Variants in KIAA2012 observed in about 807,000 individuals in gnomAD.
KIAA2012 encodes uncharacterized protein KIAA2012.
KIAA2012 carries 125 observed loss-of-function variants against 150.6 expected under a neutral mutation model. The observed-to-expected ratio is 0.83, with a 90% CI of 0.72 to 0.96. KIAA2012 has a LOEUF of 0.96. KIAA2012 is among the 40% of genes least tolerant of loss of function. KIAA2012 has a pLI of 0.00. For missense variants in KIAA2012, 1,219 were observed against 1,354.9 expected (o/e 0.90, Z 1.57); for synonymous variants, 462 against 504.7 (o/e 0.92, Z 1.13).
intron 19 of KIAA2012, among the ~76,000 whole-genome samples, chr2:202,192,558 A>G (rs959009287): frequency 6.6e-6 from 1 of 151,386 alleles, no homozygotes; most frequent in Non-Finnish European, 1.5e-5. Flanking sequence ...CCCGGGTTCA[A>G]GCAATTCTCC....
intron 12 of KIAA2012, chr2:202,137,277 A>C (rs1245038074): frequency 6.6e-6 from 1 of 150,892 alleles, no homozygotes; most frequent in Non-Finnish European, 1.5e-5. Flanking sequence ...AGCTAAATCT[A>C]TTCCTCAAAT....
intron 11 of KIAA2012, chr2:202,115,795 C>A (rs564475674): frequency 3.3e-5 from 5 of 150,224 alleles, no homozygotes; most frequent in Non-Finnish European, 7.4e-5. Flanking sequence ...TACGATCCAT[C>A]TGATCTTTCT....
chr2:202,145,042 G>A (rs980248914), intron 13 of KIAA2012, among the ~76,000 whole-genome samples: 16 of 152,084 alleles, frequency 1.1e-4, no homozygotes, highest in African/African-American at 3.6e-4. Flanking sequence ...GCAGACTCGG[G>A]GATGTCACTA....
chr2:202,156,962 T>C (rs1261769646), intron 14 of KIAA2012, among the ~76,000 whole-genome samples: 1 of 152,162 alleles, frequency 6.6e-6, no homozygotes, highest in Non-Finnish European at 1.5e-5. Context: ...ATATTTAGTA[T>C]CCACAATGCT....
intron 15 of KIAA2012, chr2:202,180,061 C>T (rs1692086803): frequency 7.5e-6 from 3 of 400,380 alleles, no homozygotes; most frequent in Non-Finnish European, 1.5e-5. Context: ...CACCTGAGGT[C>T]GGGAGTTCAA....
intron 12 of KIAA2012, chr2:202,135,993 T>TA (rs367977936): frequency 0.021 from 5,810 of 274,910 alleles, 110 homozygotes; most frequent in African/African-American, 0.074. Context: ...GATTCAAATT[T>TA]AAAAAAAAAA....
At chr2:202,180,758 G>A (rs181722071) in intron 15 of KIAA2012, among the ~76,000 whole-genome samples, 163 of 152,334 alleles carry the variant, frequency 1.1e-3, no homozygotes, top group South Asian at 7.0e-3. Context: ...CCAGGAGGTA[G>A]AGGTTGTAGT....
chr2:202,115,241 C>T (rs73989733), intron 11 of KIAA2012: 19,799 of 151,920 alleles, frequency 0.13, 1,380 homozygotes, highest in South Asian at 0.22. Flanking sequence ...ATTACTTTTG[C>T]ACCAACCTAT....
Position 202,184,873 on chromosome 2 carries a change from C to T in KIAA2012, c.2210+30C>T. 2.0e-6 allele frequency: 3 copies of T among 1,473,264 alleles called. No homozygotes were observed. In the South Asian group the frequency reaches 3.9e-5, roughly 19 times the overall value. 91.3% of individuals were successfully genotyped at this position (1,473,264 alleles called of 1,614,324 possible). A position where few individuals can be genotyped will look rare whatever the true frequency, so the allele number is the denominator to read the frequency against. Reference sequence around the variant, plus strand: ...GTGTTCAAAGTTGTAATAACATAGGCTTCTCTGCTTTTATTTTGTTTGTAT... The same window carrying T: ...GTGTTCAAAGTTGTAATAACATAGGTTTCTCTGCTTTTATTTTGTTTGTAT... On this transcript the variant is annotated intron_variant, in intron 16 of 23. Transcript: ENST00000498697.
At chr2:202,125,185 C>T (rs1205093470) in intron 11 of KIAA2012, 29 bp from the exon 12 acceptor site, 2 of 1,527,214 alleles carry the variant, frequency 1.3e-6, no homozygotes, top group East Asian at 2.4e-5. Context: ...TTTTCCCGCT[C>T]TCAGGTAAAA....
intron 14 of KIAA2012, among the ~76,000 whole-genome samples, chr2:202,157,279 C>T (rs1235090960): frequency 6.6e-6 from 1 of 152,204 alleles, no homozygotes; most frequent in Admixed American, 6.5e-5. Context: ...GACACAGTCT[C>T]AGGGTAGTAC....
At chr2:202,153,996 G>A (rs1273355684) in intron 13 of KIAA2012, among the ~76,000 whole-genome samples, 1 of 152,158 alleles carries the variant, frequency 6.6e-6, no homozygotes, top group Non-Finnish European at 1.5e-5. Context: ...TGGGGCATGG[G>A]CTGGAGGGCA....
chr2:202,177,554 C>A (rs1368109313), intron 15 of KIAA2012, among the ~76,000 whole-genome samples: 1 of 152,122 alleles, frequency 6.6e-6, no homozygotes, highest in African/African-American at 2.4e-5. Flanking sequence ...TTCCCACAAG[C>A]CCTTTTTCTT....
chr2:202,150,308 C>T (rs887623157), intron 13 of KIAA2012, among the ~76,000 whole-genome samples: 5 of 152,120 alleles, frequency 3.3e-5, no homozygotes, highest in Non-Finnish European at 5.9e-5. Flanking sequence ...TTTAGCAGAA[C>T]ATAAAAATAT....
chr2:202,134,305 C>G (rs367580552), intron 12 of KIAA2012, among the ~76,000 whole-genome samples: 1 of 152,210 alleles, frequency 6.6e-6, no homozygotes, highest in African/African-American at 2.4e-5. Context: ...AAAGAAGCTC[C>G]TGCCAGCACC....
chr2:202,193,459 G>A lies in KIAA2012; in HGVS notation c.2970G>A (p.Glu990=). 1 of 1,550,308 alleles carries A rather than the reference G, an allele frequency of 6.5e-7. No individual in the cohort carries two copies. The highest frequency in any genetic ancestry group is 8.7e-7 in the Non-Finnish European group (1 of 1,146,882). ...AGCTGGAGAGAGCAAAAAAGATGGA[G>A]GAGGAGCTGGAGCTGGAGCAGCAGA... The part of the protein sequence containing the change: ...QEQLERAKKM[E]EELELEQQRR... The change falls in exon 20 of 24, where the codon GAG becomes GAA. Residue 990 remains glutamate, a synonymous_variant. Transcript: ENST00000498697.
intron 11 of KIAA2012, among the ~76,000 whole-genome samples, chr2:202,120,985 C>T (rs56369311): frequency 0.28 from 43,193 of 152,072 alleles, 6,358 homozygotes; most frequent in African/African-American, 0.36. Context: ...TCACTTGCAG[C>T]TAGGTATGGC....
intron 2 of KIAA2012, among the ~76,000 whole-genome samples, chr2:202,090,090 C>T (rs1374775736): frequency 1.3e-5 from 2 of 152,206 alleles, no homozygotes; most frequent in Non-Finnish European, 2.9e-5. Context: ...AAGCAATCAT[C>T]CTCTGAGAGT....
chr2:202,145,110 T>C (rs1354947687), intron 13 of KIAA2012, among the ~76,000 whole-genome samples: 1 of 152,170 alleles, frequency 6.6e-6, no homozygotes, highest in African/African-American at 2.4e-5. Context: ...TCCACACCAA[T>C]GCCTAAGAGA....
Sources: allele counts gnomAD v4.1 joint callset (sites outside exome capture counted in the v4.1 genomes callset), GRCh38; gene constraint gnomAD v4.1.1; transcripts MANE v1.5; gene names NCBI Gene and HGNC (gene_info 2026-07-23, HGNC 2026-07-21).